C12orf54: variants seen among roughly 807,000 people sequenced by gnomAD.
C12orf54 encodes chromosome 12 open reading frame 54.
Under a neutral mutation model 26.4 loss-of-function variants are expected in C12orf54, and 24 were observed. The observed-to-expected ratio is 0.91, with a 90% CI of 0.66 to 1.28. The LOEUF (loss-of-function observed/expected upper bound fraction) is 1.28, where lower values mean the gene tolerates loss of function less well. Ranked by LOEUF, C12orf54 falls within the 50% of genes most tolerant of loss-of-function variation. The pLI is 0.00. For missense variants in C12orf54, 154 were observed against 150.9 expected, an observed-to-expected ratio of 1.02 and a Z score of -0.11; for synonymous variants, 54 against 47.0, an observed-to-expected ratio of 1.15 and a Z score of -0.61.
At chr12:48,434,342 CACAG>C in the C12orf54 span, among the ~76,000 whole-genome samples, 1 of 152,178 alleles carries the variant, frequency 6.6e-6, no homozygotes, top group Non-Finnish European at 1.5e-5. Flanking sequence ...GGGGGCAGGG[CACAG>C]ACAAACAAAA....
the C12orf54 span, chr12:48,473,684 G>A: frequency 4.4e-6 from 1 of 225,676 alleles, no homozygotes; most frequent in South Asian, 6.5e-5. Context: ...CAATAGTTAA[G>A]TACACACTAA....
rs143004237 is a variant in C12orf54 at position 48,489,266 on chromosome 12, C to A, written c.168+310C>A. 1.1e-3 allele frequency: 570 copies of A among 537,812 alleles called. 4 individuals carry two copies. Among genetic ancestry groups the A allele is most frequent in the African/African-American group, 8.8e-3 (468 of 53,394 alleles). The allele number at this position is 537,812 out of a possible 1,614,324, so 33.3% of individuals were successfully genotyped here. ...ATAATGACTAAGCTGGGGAGAATCC[C>A]CTAGTGATGTAGTAAACTGCCTTAT... is the stretch of plus-strand genomic sequence containing the variant. On this transcript the variant is annotated intron_variant, in intron 5 of 8. Transcript: ENST00000548364.
the C12orf54 span, among the ~76,000 whole-genome samples, chr12:48,421,380 G>T: frequency 1.3e-5 from 2 of 151,964 alleles, no homozygotes; most frequent in Non-Finnish European, 2.9e-5. Context: ...AGAGGGTGGT[G>T]TTAAACCATG....
the C12orf54 span, among the ~76,000 whole-genome samples, chr12:48,440,736 A>G: frequency 3.3e-5 from 5 of 152,246 alleles, no homozygotes; most frequent in African/African-American, 9.6e-5. Flanking sequence ...TCTATGGGAC[A>G]TGCCTAGGTC....
chr12:48,473,114 G>T, the C12orf54 span: 2 of 1,612,254 alleles, frequency 1.2e-6, no homozygotes, highest in Non-Finnish European at 1.7e-6. Context: ...GCTGTGACCC[G>T]GATGACAAGG....
the C12orf54 span, among the ~76,000 whole-genome samples, chr12:48,426,634 T>C: frequency 2.0e-5 from 3 of 152,160 alleles, no homozygotes; most frequent in African/African-American, 7.2e-5. Context: ...TCATTGGTAG[T>C]TTGATAAGAA....
intron 4 of C12orf54, among the ~76,000 whole-genome samples, chr12:48,487,592 G>A (rs554289384): frequency 6.6e-6 from 1 of 152,228 alleles, no homozygotes; most frequent in African/African-American, 2.4e-5. Context: ...AGAGTCAAAA[G>A]ACCATCCTGT....
the C12orf54 span, among the ~76,000 whole-genome samples, chr12:48,424,206 C>T: frequency 3.9e-5 from 6 of 151,972 alleles, no homozygotes; most frequent in Non-Finnish European, 8.8e-5. Context: ...CCCATCTTGT[C>T]GTGAAATGTT....
At chr12:48,479,278 C>T (rs530019910), upstream of C12orf54, among the ~76,000 whole-genome samples, 108 of 152,174 alleles carry the variant, frequency 7.1e-4, no homozygotes, top group African/African-American at 2.2e-3. Flanking sequence ...AACCAAACAC[C>T]GCATATTCTC....
At chr12:48,478,986 T>C (rs1002464312), upstream of C12orf54, among the ~76,000 whole-genome samples, 28 of 152,182 alleles carry the variant, frequency 1.8e-4, no homozygotes, top group African/African-American at 6.8e-4. Flanking sequence ...GAACTAGAAA[T>C]ACCATTTGAC....
chr12:48,489,037 T>C (rs1023059351), intron 5 of C12orf54, 81 bp downstream of exon 5: 2 of 1,330,018 alleles, frequency 1.5e-6, no homozygotes, highest in Non-Finnish European at 2.2e-6. Context: ...CCTACTGAGA[T>C]GTTGCCTCTG....
the C12orf54 span, among the ~76,000 whole-genome samples, chr12:48,469,178 G>C: frequency 6.6e-6 from 1 of 152,210 alleles, no homozygotes; most frequent in Non-Finnish European, 1.5e-5. Context: ...CAACCAGTCT[G>C]ACTAGAATTC....
chr12:48,471,236 T>A, the C12orf54 span, among the ~76,000 whole-genome samples: 78 of 152,296 alleles, frequency 5.1e-4, no homozygotes, highest in African/African-American at 1.8e-3. Flanking sequence ...CTTAACATAA[T>A]AAACTCCAGT....
At chr12:48,483,918 G>A (rs1322237723) in intron 2 of C12orf54, among the ~76,000 whole-genome samples, 1 of 152,206 alleles carries the variant, frequency 6.6e-6, no homozygotes, top group Non-Finnish European at 1.5e-5. Context: ...TTGGGGCTGG[G>A]TGCAGTGCCT....
chr12:48,431,584 G>T, the C12orf54 span, among the ~76,000 whole-genome samples: 2 of 151,838 alleles, frequency 1.3e-5, no homozygotes, highest in Admixed American at 6.6e-5. Context: ...ATCATCAAAG[G>T]AATTAAATTA....
At chr12:48,477,055 C>A in the C12orf54 span, among the ~76,000 whole-genome samples, 1 of 152,168 alleles carries the variant, frequency 6.6e-6, no homozygotes, top group African/African-American at 2.4e-5. Context: ...TCTCTTAGAC[C>A]ACAGTGCAAT....
At chr12:48,488,165 G>A in intron 4 of C12orf54, 1 of 749,152 alleles carries the variant, frequency 1.3e-6, no homozygotes, top group Non-Finnish European at 2.5e-6. Flanking sequence ...TTATGAATGA[G>A]GGTATCCAGT....
chr12:48,428,968 A>G, the C12orf54 span, among the ~76,000 whole-genome samples: 1 of 152,222 alleles, frequency 6.6e-6, no homozygotes, highest in Non-Finnish European at 1.5e-5. Flanking sequence ...ATAATCCACT[A>G]TGATCAAGAG....
chr12:48,437,409 G>A, the C12orf54 span, among the ~76,000 whole-genome samples: 275 of 152,292 alleles, frequency 1.8e-3, no homozygotes, highest in African/African-American at 6.1e-3. Context: ...TGTGAGGCCA[G>A]CATCATCCTC....
Sources: allele counts gnomAD v4.1 joint callset (sites outside exome capture counted in the v4.1 genomes callset), GRCh38; gene constraint gnomAD v4.1.1; transcripts MANE v1.5; gene names NCBI Gene and HGNC (gene_info 2026-07-23, HGNC 2026-07-21).